GALNT18: variants seen among roughly 807,000 people sequenced by gnomAD.
The protein encoded by GALNT18 is polypeptide N-acetylgalactosaminyltransferase 18, also known as GalNAc-transferase 18.
In GALNT18, 44 loss-of-function variants were observed where a neutral mutation model predicts 69.5. The observed-to-expected ratio is 0.63, with a 90% confidence interval of 0.50 to 0.81. The LOEUF (loss-of-function observed/expected upper bound fraction) is 0.81. Ranked by LOEUF, GALNT18 falls within the 40% of genes least tolerant of loss-of-function variation. The pLI is 0.00. For missense variants in GALNT18, 715 were observed against 810.0 expected (o/e 0.88, Z 1.42); for synonymous variants, 364 against 318.2 (o/e 1.14, Z -1.53).
At chr11:11,521,112 G>A (rs1857389075) in intron 1 of GALNT18, among the ~76,000 whole-genome samples, 1 of 151,310 alleles carries the variant, frequency 6.6e-6, no homozygotes, top group Non-Finnish European at 1.5e-5. Flanking sequence ...AAAGCTTTAG[G>A]AATCTCGTAT....
At position 11,332,725 on chromosome 11, in the gene GALNT18, C is replaced by T; in HGVS notation, c.1385G>A (p.Arg462Lys). ...ATAGGCAATGATGTCGGAGTACATC[C>T]TCATCTCTGGGTACACGCTGACCAG... is the stretch of plus-strand genomic sequence containing the variant. ...WYLVSVYPEM[R>K]MYSDIIAYGV... The change falls in exon 8 of 11, where the codon AGG becomes AAG. Residue 462 changes from arginine (R) to lysine (K), a missense_variant. Arg to Lys is a conservative substitution (Grantham distance 26, BLOSUM62 2). Transcript: ENST00000227756. The surrounding 1 kb of genome is among the most constrained non-coding windows in gnomAD (Gnocchi z 4.3). The T allele has an allele frequency of 6.2e-7, 1 of 1,614,138 alleles. No individual in the cohort carries two copies. The highest frequency in any genetic ancestry group is 1.3e-5 in the African/African-American group (1 of 75,030).
intron 5 of GALNT18, among the ~76,000 whole-genome samples, chr11:11,375,057 T>C (rs1190420198): frequency 6.6e-6 from 1 of 152,250 alleles, no homozygotes; most frequent in Non-Finnish European, 1.5e-5. Context: ...TGGGGTCACC[T>C]GGCGACTTAG....
At chr11:11,467,105 G>A (rs1311125065) in intron 1 of GALNT18, among the ~76,000 whole-genome samples, 2 of 152,222 alleles carry the variant, frequency 1.3e-5, no homozygotes, top group Non-Finnish European at 2.9e-5. Context: ...GGGCCCGGGA[G>A]GCAGGAGGCC....
At position 11,598,358 on chromosome 11, in the gene GALNT18, A is replaced by T. The variant is rs1441469360; in HGVS notation, c.235+23001T>A. 2.0e-5 allele frequency among the ~76,000 whole-genome samples: 3 copies of T among 152,190 alleles called. No individual in the cohort carries two copies. The highest frequency in any genetic ancestry group is 4.4e-5 in the Non-Finnish European group (3 of 68,034). On this transcript the variant is annotated intron_variant, in intron 1 of 10. Transcript: ENST00000227756. The surrounding 1 kb of genome is among the most constrained non-coding windows in gnomAD (Gnocchi z 4.8). ...CTCGAGGCAAAATCAAGGTGTCAGC[A>T]GGGCTATACTTCTTTGCAGGCTCTA... is the stretch of plus-strand genomic sequence containing the variant.
At position 11,415,628 on chromosome 11, in the gene GALNT18, C is replaced by T. The variant is rs938017364; in HGVS notation, c.595+16993G>A. Among the ~76,000 whole-genome samples the T allele has an allele frequency of 6.6e-6, 1 of 152,262 alleles. No individual in the cohort carries two copies. Among genetic ancestry groups the T allele is most frequent in the African/African-American group, 2.4e-5 (1 of 41,546 alleles). ...TCTTGCAGTGAGAACTTTGGTGACT[C>T]AGCTCCTATGGTTCTCAATCCCTTC... On this transcript the variant is annotated intron_variant, in intron 3 of 10. Transcript: ENST00000227756. This position sits in a 1 kb window ranked among gnomAD's most constrained non-coding sequence, Gnocchi z 4.1.
intron 10 of GALNT18, 93 bp from the exon 11 acceptor site, chr11:11,271,383 A>G (rs554605693): frequency 8.2e-6 from 11 of 1,339,574 alleles, no homozygotes; most frequent in Admixed American, 5.4e-5. Flanking sequence ...GAGGGCTGAC[A>G]TTATCTGTGT....
intron 1 of GALNT18, among the ~76,000 whole-genome samples, chr11:11,526,073 G>T (rs1053318785): frequency 6.6e-6 from 1 of 152,168 alleles, no homozygotes; most frequent in African/African-American, 2.4e-5. Context: ...GTAGACATTT[G>T]CTGTAAGTAT....
chr11:11,366,763 A>G (rs1850779666), intron 6 of GALNT18, among the ~76,000 whole-genome samples: 1 of 152,052 alleles, frequency 6.6e-6, no homozygotes, highest in African/African-American at 2.4e-5. Flanking sequence ...TGTGAAGTAT[A>G]CTCCTTCTAT....
chr11:11,417,118 GCATCTGAGT>G (rs1854884711), intron 3 of GALNT18, among the ~76,000 whole-genome samples: 1 of 152,212 alleles, frequency 6.6e-6, no homozygotes. Context: ...ACCCAGGATG[GCATCTGAGT>G]CTACAACCCA....
chr11:11,491,363 G>C (rs958259785), intron 1 of GALNT18, among the ~76,000 whole-genome samples: 1 of 152,186 alleles, frequency 6.6e-6, no homozygotes, highest in Non-Finnish European at 1.5e-5. Flanking sequence ...CTTTCTTCCC[G>C]GGTTCAGAGC....
chr11:11,427,752 G>A (rs1183358084), intron 3 of GALNT18, among the ~76,000 whole-genome samples: 4 of 152,192 alleles, frequency 2.6e-5, no homozygotes. Flanking sequence ...CTTGTCAGCT[G>A]TTGTCATGAT....
Position 11,440,971 on chromosome 11 carries a change from A to G in GALNT18, c.428+7773T>C, listed in dbSNP as rs566015381. On this transcript the variant is annotated intron_variant, in intron 2 of 10. Coordinates refer to ENST00000227756, the MANE Select transcript of GALNT18 (RefSeq NM_198516.3). ...ACCTGGCCTCGGAAAGTGGGGAACC[A>G]GGTTTTAACTACTACTCTATAATCT... Among the ~76,000 whole-genome samples, 62 of 152,308 alleles carry G rather than the reference A, an allele frequency of 4.1e-4. 1 individual carries two copies. Among genetic ancestry groups the G allele is most frequent in the Non-Finnish European group, 7.5e-4 (51 of 68,020 alleles).
intron 2 of GALNT18, among the ~76,000 whole-genome samples, chr11:11,438,951 C>T (rs546844494): frequency 5.9e-5 from 9 of 152,294 alleles, no homozygotes; most frequent in South Asian, 4.1e-4. Context: ...TGTTGTGTGG[C>T]ATCTCCATTT....
intron 6 of GALNT18, among the ~76,000 whole-genome samples, chr11:11,366,584 C>T (rs2133088693): frequency 6.6e-6 from 1 of 152,328 alleles, no homozygotes; most frequent in South Asian, 2.1e-4. Context: ...TACTATCTGG[C>T]TTGCCTTCAG....
At chr11:11,381,720 C>T (rs12292122) in intron 3 of GALNT18, among the ~76,000 whole-genome samples, 1 of 152,168 alleles carries the variant, frequency 6.6e-6, no homozygotes, top group East Asian at 1.9e-4. Flanking sequence ...CCCACAAAGG[C>T]CCCAGACAGG....
chr11:11,355,307 A>T (rs1297289261), intron 6 of GALNT18, among the ~76,000 whole-genome samples: 1 of 152,174 alleles, frequency 6.6e-6, no homozygotes, highest in East Asian at 1.9e-4. Flanking sequence ...TTTCTGTTAC[A>T]GCACTCCCTA....
intron 3 of GALNT18, among the ~76,000 whole-genome samples, chr11:11,405,089 C>T (rs1854559949): frequency 6.6e-6 from 1 of 152,172 alleles, no homozygotes; most frequent in South Asian, 2.1e-4. Flanking sequence ...TTACCTGACA[C>T]TTCTGTGCCT....
chr11:11,367,293 TGTAA>T (rs1339451463), intron 6 of GALNT18, among the ~76,000 whole-genome samples: 3 of 152,128 alleles, frequency 2.0e-5, no homozygotes, highest in African/African-American at 7.2e-5. Flanking sequence ...GAGATATCTG[TGTAA>T]GTGTCATTAT....
Position 11,377,566 on chromosome 11 carries a change from G to A in GALNT18, c.780-187C>T, listed in dbSNP as rs1034158256. ...AACTTCCCGCTCCCTGAGGATTGCC[G>A]GAATGGCAAGAGGCTGCACCACTCC... On this transcript the variant is annotated intron_variant, in intron 4 of 10. Transcript: ENST00000227756. The surrounding 1 kb of genome is among the most constrained non-coding windows in gnomAD (Gnocchi z 4.6). Among the ~76,000 whole-genome samples the A allele has an allele frequency of 3.3e-5, 5 of 152,030 alleles. No individual in the cohort carries two copies. The highest frequency in any genetic ancestry group is 5.9e-5 in the Non-Finnish European group (4 of 68,024).
Sources: gnomAD v4.1 joint callset for allele counts (sites outside exome capture counted in the v4.1 genomes callset) on GRCh38, gnomAD v4.1.1 for gene constraint, Gnocchi (gnomAD v3.1) non-coding constraint, MANE v1.5 for transcripts, NCBI Gene and HGNC (gene_info 2026-07-23, HGNC 2026-07-21) for gene names.